The following XPR1 variants were observed in gnomAD, a reference collection of about 807,000 sequenced individuals.
XPR1 encodes the protein xenotropic and polytropic retrovirus receptor 1.
XPR1 carries 28 observed loss-of-function variants against 87.5 expected under a neutral mutation model. The observed-to-expected ratio is 0.32, with a 90% confidence interval of 0.24 to 0.44. The LOEUF (loss-of-function observed/expected upper bound fraction) is 0.44, where lower values mean the gene tolerates loss of function less well. Among genes scored for constraint, XPR1 ranks in the 20% least tolerant of loss-of-function variants. The pLI is 1.00. For missense variants in XPR1, 559 were observed against 862.3 expected, an observed-to-expected ratio of 0.65 and a Z score of 4.41; for synonymous variants, 300 against 306.1, an observed-to-expected ratio of 0.98 and a Z score of 0.21.
intron 2 of XPR1, among the ~76,000 whole-genome samples, chr1:180,708,900 T>TG (rs1657647639): frequency 1.9e-5 from 1 of 52,628 alleles, no homozygotes; most frequent in Non-Finnish European, 4.5e-5. Context: ...TAAAGTTTTT[T>TG]TTTTTTTTTG....
intron 2 of XPR1, among the ~76,000 whole-genome samples, chr1:180,759,617 T>C (rs1416389451): frequency 6.6e-6 from 1 of 152,188 alleles, no homozygotes; most frequent in Non-Finnish European, 1.5e-5. Flanking sequence ...ATTGAGGCAA[T>C]AATCAATAGC....
chr1:180,834,026 G>C (rs966770920), intron 9 of XPR1, among the ~76,000 whole-genome samples: 1 of 151,702 alleles, frequency 6.6e-6, no homozygotes, highest in Non-Finnish European at 1.5e-5. Context: ...GAGTAGGAAC[G>C]TTCATAGAAT....
chr1:180,647,808 C>T (rs533403603), intron 1 of XPR1, among the ~76,000 whole-genome samples: 6 of 146,764 alleles, frequency 4.1e-5, no homozygotes, highest in African/African-American at 5.1e-5. Context: ...GGCTGAGGCA[C>T]GAGAATTGCT....
chr1:180,883,545 C>G (rs745475595), intron 14 of XPR1, among the ~76,000 whole-genome samples: 2 of 151,978 alleles, frequency 1.3e-5, no homozygotes, highest in Non-Finnish European at 2.9e-5. Flanking sequence ...CCCATCTCTA[C>G]TAAAAATACA....
intron 1 of XPR1, among the ~76,000 whole-genome samples, chr1:180,667,966 C>T (rs543802599): frequency 1.9e-4 from 29 of 151,890 alleles, no homozygotes; most frequent in Non-Finnish European, 3.8e-4. Context: ...CAATTTGTGT[C>T]TTCTCTCTTT....
At chr1:180,771,386 A>G (rs947486795) in intron 2 of XPR1, among the ~76,000 whole-genome samples, 1 of 152,164 alleles carries the variant, frequency 6.6e-6, no homozygotes, top group Admixed American at 6.5e-5. Flanking sequence ...ATTACAGAAG[A>G]GTTCATATAT....
chr1:180,845,528 C>G (rs1430726706), intron 11 of XPR1, among the ~76,000 whole-genome samples: 2 of 151,974 alleles, frequency 1.3e-5, no homozygotes, highest in African/African-American at 4.8e-5. Context: ...GTGTGTGTGT[C>G]TGTTTTCACA....
intron 2 of XPR1, among the ~76,000 whole-genome samples, chr1:180,749,419 A>G (rs2102035406): frequency 6.6e-6 from 1 of 152,186 alleles, no homozygotes. Context: ...TTCTTTTTTT[A>G]ATGTAAACGA....
At chr1:180,765,999 G>A (rs370253129) in intron 2 of XPR1, among the ~76,000 whole-genome samples, 5 of 152,122 alleles carry the variant, frequency 3.3e-5, no homozygotes, top group South Asian at 2.1e-4. Context: ...AAAAGACACC[G>A]AGATATATAG....
At chr1:180,840,148 G>A (rs952859303) in intron 11 of XPR1, among the ~76,000 whole-genome samples, 12 of 149,876 alleles carry the variant, frequency 8.0e-5, no homozygotes, top group African/African-American at 2.0e-4. Context: ...GCGTGAACCC[G>A]GGAAGCGGAG....
chr1:180,724,646 T>C (rs996777176), intron 2 of XPR1, among the ~76,000 whole-genome samples: 1 of 150,298 alleles, frequency 6.7e-6, no homozygotes, highest in Non-Finnish European at 1.5e-5. Context: ...GAGTTAAATA[T>C]ATATGGTTTC....
intron 3 of XPR1, among the ~76,000 whole-genome samples, chr1:180,801,231 G>A (rs922109119): frequency 6.6e-6 from 1 of 152,210 alleles, no homozygotes; most frequent in Non-Finnish European, 1.5e-5. Context: ...CTTCACTGGG[G>A]AGTAAACATA....
chr1:180,827,931 C>T (rs1650912399), intron 9 of XPR1, among the ~76,000 whole-genome samples: 1 of 148,606 alleles, frequency 6.7e-6, no homozygotes, highest in Non-Finnish European at 1.5e-5. Flanking sequence ...GGCTGAAGTG[C>T]AGTGGCGTGA....
At position 180,748,396 on chromosome 1, in the gene XPR1, A is replaced by ATGTCTTT. The variant is rs1224823515; in HGVS notation, c.122-39355_122-39349dup. Among the ~76,000 whole-genome samples the ATGTCTTT allele has an allele frequency of 9.4e-5, 6 of 63,578 alleles. No homozygotes were observed. In the East Asian group the frequency reaches 3.9e-3, roughly 41 times the overall value. 41.7% of individuals were successfully genotyped at this position (63,578 alleles called of 152,430 possible). The stretch of plus-strand genomic sequence containing the variant: ...ATTTTGCTACTCTGTGTTATTATTT[A>ATGTCTTT]TGTCTTTTTTTTTTTTTTTTTTTTT... On this transcript the variant is annotated intron_variant, in intron 2 of 14. Coordinates refer to ENST00000367590, the MANE Select transcript of XPR1 (RefSeq NM_004736.4).
At chr1:180,677,180 A>G (rs1222779794) in intron 1 of XPR1, among the ~76,000 whole-genome samples, 1 of 152,210 alleles carries the variant, frequency 6.6e-6, no homozygotes, top group Non-Finnish European at 1.5e-5. Context: ...TGGGATGCCC[A>G]GGCTACCCAC....
At chr1:180,741,259 A>G (rs12087806) in intron 2 of XPR1, among the ~76,000 whole-genome samples, 6,529 of 151,730 alleles carry the variant, frequency 0.043, 503 homozygotes, top group African/African-American at 0.15. Flanking sequence ...TGCCCCCAGG[A>G]TTCTAGTGAT....
chr1:180,647,901 G>C (rs1475112021), intron 1 of XPR1, among the ~76,000 whole-genome samples: 2 of 66,940 alleles, frequency 3.0e-5, no homozygotes, highest in African/African-American at 1.8e-4. Context: ...ACTCTTATCT[G>C]CAAAAAAAAA....
chr1:180,793,695 C>T (rs534042232), intron 3 of XPR1, among the ~76,000 whole-genome samples: 2 of 152,160 alleles, frequency 1.3e-5, no homozygotes, highest in Admixed American at 1.3e-4. Context: ...GCCACTCTTG[C>T]TTGCTTTGTT....
chr1:180,882,274 A>G (rs1174845135), intron 14 of XPR1, among the ~76,000 whole-genome samples: 1 of 152,222 alleles, frequency 6.6e-6, no homozygotes, highest in Non-Finnish European at 1.5e-5. Flanking sequence ...AGAGCAGGGA[A>G]TCCAAAATAA....
Sources: gnomAD v4.1 joint callset for allele counts (sites outside exome capture counted in the v4.1 genomes callset) on GRCh38, gnomAD v4.1.1 for gene constraint, MANE v1.5 for transcripts, NCBI Gene and HGNC (gene_info 2026-07-23, HGNC 2026-07-21) for gene names.